Variants in SNX29 observed in about 807,000 individuals in gnomAD.
The protein encoded by SNX29 is sorting nexin-29.
A neutral mutation model predicts 102.1 loss-of-function variants in SNX29; 78 were observed. The observed-to-expected ratio is 0.76, with a 90% CI of 0.64 to 0.92. SNX29 has a LOEUF of 0.92. Among genes scored for constraint, SNX29 ranks in the 40% least tolerant of loss-of-function variants. The pLI is 0.00. For synonymous variants in SNX29, 580 were observed against 414.5 expected (o/e 1.40, Z -4.85); for missense variants, 1,280 against 1,061.7 (o/e 1.21, Z -2.86).
chr16:12,502,352 C>A (rs1029169812), intron 19 of SNX29, among the ~76,000 whole-genome samples: 1 of 152,124 alleles, frequency 6.6e-6, no homozygotes, highest in Non-Finnish European at 1.5e-5. Context: ...ATCTCCCTTA[C>A]GAGGGCGCTG....
chr16:12,530,801 C>T (rs913460062), intron 20 of SNX29, among the ~76,000 whole-genome samples: 1 of 152,200 alleles, frequency 6.6e-6, no homozygotes, highest in African/African-American at 2.4e-5. Flanking sequence ...AGTGATCCAC[C>T]CGCCTTGGCC....
intron 1 of SNX29, among the ~76,000 whole-genome samples, chr16:11,996,894 C>A (rs746756273): frequency 6.6e-6 from 1 of 152,210 alleles, no homozygotes; most frequent in South Asian, 2.1e-4. Flanking sequence ...TATTCTTGAT[C>A]GAAACCTCTT....
rs1475639101 is a variant in SNX29 at position 12,571,527 on chromosome 16, G to A, written c.*2898G>A. On this transcript the variant is annotated 3_prime_UTR_variant, in exon 21 of 21. Coordinates refer to ENST00000566228, the MANE Select transcript of SNX29 (RefSeq NM_032167.5). ...CCTCTCAAGGGCCTTGGATTCCTGG[G>A]ACCACCCTTTGCTGGGAGGAAGAAT... 9 of 821,554 alleles carry A rather than the reference G, an allele frequency of 1.1e-5. No homozygotes were observed. The highest frequency in any genetic ancestry group is 1.8e-5 in the African/African-American group (1 of 56,022). 50.9% of individuals were successfully genotyped at this position (821,554 alleles called of 1,614,324 possible).
chr16:12,506,686 C>G (rs1437963738), intron 19 of SNX29, among the ~76,000 whole-genome samples: 7 of 152,178 alleles, frequency 4.6e-5, no homozygotes, highest in African/African-American at 1.2e-4. Context: ...TCAGCAAAGG[C>G]AGCATATCAA....
chr16:11,999,286 T>C lies in SNX29; in HGVS notation c.8-11T>C. On this transcript the variant is annotated splice_polypyrimidine_tract_variant and intron_variant, in intron 1 of 20. Coordinates refer to ENST00000566228, the MANE Select transcript of SNX29 (RefSeq NM_032167.5). Reference sequence around the variant, plus strand: ...GTCAGAGAGAACTAATTAAGCCTCATTGCATTTTAGGATCACAGAACAATG... The same window carrying C: ...GTCAGAGAGAACTAATTAAGCCTCACTGCATTTTAGGATCACAGAACAATG... 6.2e-7 allele frequency: 1 copy of C among 1,613,938 alleles called. No homozygotes were observed. Among genetic ancestry groups the C allele is most frequent in the Non-Finnish European group, 8.5e-7 (1 of 1,179,882 alleles).
At chr16:12,536,707 G>A (rs2902959) in intron 20 of SNX29, among the ~76,000 whole-genome samples, 17,296 of 152,262 alleles carry the variant, frequency 0.11, 1,325 homozygotes, top group Non-Finnish European at 0.16. Context: ...GCTGGACGTG[G>A]TGGCTCACGC....
chr16:12,132,048 T>C (rs2054489488), intron 13 of SNX29, among the ~76,000 whole-genome samples: 1 of 152,180 alleles, frequency 6.6e-6, no homozygotes, highest in Non-Finnish European at 1.5e-5. Context: ...GTCTGAAGTC[T>C]TTAGAGGTTC....
intron 18 of SNX29, among the ~76,000 whole-genome samples, chr16:12,469,321 G>C (rs1254841657): frequency 6.6e-6 from 1 of 152,194 alleles, no homozygotes; most frequent in Non-Finnish European, 1.5e-5. Flanking sequence ...TTTTGTTCTA[G>C]CAGTGAGGAC....
intron 18 of SNX29, among the ~76,000 whole-genome samples, chr16:12,441,483 C>T (rs1016532961): frequency 6.6e-6 from 1 of 152,128 alleles, no homozygotes; most frequent in African/African-American, 2.4e-5. Context: ...TTGGGTTGTT[C>T]CCCATTTATG....
intron 16 of SNX29, among the ~76,000 whole-genome samples, chr16:12,378,290 C>T (rs972200369): frequency 6.6e-6 from 1 of 152,116 alleles, no homozygotes; most frequent in African/African-American, 2.4e-5. Flanking sequence ...GCAGAGATCA[C>T]ATCGATAAGA....
intron 9 of SNX29, among the ~76,000 whole-genome samples, chr16:12,064,240 T>G (rs12926011): frequency 0.36 from 54,305 of 151,826 alleles, 9,913 homozygotes; most frequent in African/African-American, 0.44. Flanking sequence ...TAGCTGGGCC[T>G]CCTGAACCAT....
chr16:12,117,898 A>G (rs1225013975), intron 11 of SNX29, among the ~76,000 whole-genome samples: 1 of 152,190 alleles, frequency 6.6e-6, no homozygotes, highest in Non-Finnish European at 1.5e-5. Flanking sequence ...GATTGAGACC[A>G]CCCTGGCTAA....
rs1193678653 is a variant in SNX29 at position 12,048,379 on chromosome 16, C to G, written c.507C>G (p.Asn169Lys). ...TTCCCTTTTTTTGGGCAGGTCTGAA[C>G]TCCATACTCTTTGCGATTAACATCG... ...SMLPTMAAGL[N>K]SILFAINIDN... is the part of the protein sequence containing the mutation. Residue 169 changes from asparagine to lysine, a missense_variant, in exon 7 of 21, where the codon AAC becomes AAG. Coordinates refer to ENST00000566228, the MANE Select transcript of SNX29 (RefSeq NM_032167.5). The G allele has an allele frequency of 6.2e-7, 1 of 1,613,914 alleles. No homozygotes were observed. Among genetic ancestry groups the G allele is most frequent in the Non-Finnish European group, 8.5e-7 (1 of 1,179,854 alleles).
chr16:12,068,778 C>T (rs779955234), intron 9 of SNX29, among the ~76,000 whole-genome samples: 10 of 152,146 alleles, frequency 6.6e-5, no homozygotes, highest in Non-Finnish European at 8.8e-5. Flanking sequence ...CTCCTGACCT[C>T]AGGTGATCCA....
intron 16 of SNX29, among the ~76,000 whole-genome samples, chr16:12,362,570 C>A (rs1456738254): frequency 8.9e-5 from 7 of 78,358 alleles, no homozygotes; most frequent in East Asian, 4.6e-4. Flanking sequence ...CCACCCCCCC[C>A]CCCACCAGTT....
chr16:12,210,590 C>G (rs1462825618), intron 14 of SNX29, among the ~76,000 whole-genome samples: 1 of 152,032 alleles, frequency 6.6e-6, no homozygotes, highest in Non-Finnish European at 1.5e-5. Flanking sequence ...AGCTCCCTCT[C>G]CCTCTGGACT....
chr16:12,496,076 C>T (rs992374872), intron 19 of SNX29, among the ~76,000 whole-genome samples: 2 of 152,162 alleles, frequency 1.3e-5, no homozygotes, highest in South Asian at 2.1e-4. Context: ...TTTCAGTGAG[C>T]GCAGAGGTAC....
chr16:12,404,555 T>G (rs2084088273), intron 18 of SNX29, among the ~76,000 whole-genome samples: 1 of 152,320 alleles, frequency 6.6e-6, no homozygotes, highest in South Asian at 2.1e-4. Flanking sequence ...GGTTTTGTTT[T>G]ATTCCCCATG....
chr16:12,367,593 T>C (rs1308167872), intron 16 of SNX29: 1 of 152,244 alleles, frequency 6.6e-6, no homozygotes, highest in Admixed American at 6.5e-5. Context: ...TCTTGGTTTC[T>C]TTAAAACCTT....
Sources: allele counts gnomAD v4.1 joint callset (sites outside exome capture counted in the v4.1 genomes callset), GRCh38; gene constraint gnomAD v4.1.1; transcripts MANE v1.5; gene names NCBI Gene and HGNC (gene_info 2026-07-23, HGNC 2026-07-21).